SGCZ: variants seen among roughly 807,000 people sequenced by gnomAD.
SGCZ encodes the protein sarcoglycan zeta.
SGCZ carries 40 observed loss-of-function variants against 41.3 expected under a neutral mutation model. The observed-to-expected ratio is 0.97, with a 90% CI of 0.75 to 1.26. The LOEUF is 1.26. SGCZ is among the 50% of genes most tolerant of loss of function. The probability of loss-of-function intolerance (pLI) is 0.00; values close to 1 mark genes in which losing one functional copy is unlikely to be tolerated. For missense variants in SGCZ, 552 were observed against 369.8 expected (o/e 1.49, Z -4.04); for synonymous variants, 206 against 137.5 (o/e 1.50, Z -3.49).
At chr8:14,626,306 C>T (rs1806452231) in intron 1 of SGCZ, among the ~76,000 whole-genome samples, 1 of 152,060 alleles carries the variant, frequency 6.6e-6, no homozygotes, top group East Asian at 1.9e-4. Flanking sequence ...CGCTATCCCT[C>T]CCCCAACCCC....
At chr8:15,170,230 T>C (rs1209065187) in intron 1 of SGCZ, among the ~76,000 whole-genome samples, 1 of 152,220 alleles carries the variant, frequency 6.6e-6, no homozygotes, top group African/African-American at 2.4e-5. Context: ...TAAAGTTTCC[T>C]GGCCACCTTG....
intron 3 of SGCZ, among the ~76,000 whole-genome samples, chr8:14,297,274 C>G (rs918168562): frequency 6.6e-5 from 10 of 150,788 alleles, no homozygotes; most frequent in Admixed American, 2.0e-4. Flanking sequence ...ATATAGAAAG[C>G]TAAAAATTGA....
At chr8:14,171,325 A>G (rs1340314496) in intron 4 of SGCZ, among the ~76,000 whole-genome samples, 2 of 151,962 alleles carry the variant, frequency 1.3e-5, no homozygotes, top group African/African-American at 4.8e-5. Context: ...AACATCTTAA[A>G]AAGAGATCTT....
chr8:14,806,084 T>C (rs1340437393), intron 1 of SGCZ, among the ~76,000 whole-genome samples: 1 of 151,060 alleles, frequency 6.6e-6, no homozygotes, highest in Admixed American at 6.6e-5. Flanking sequence ...CAAAGCAGTG[T>C]GTAGAGGGAA....
intron 1 of SGCZ, among the ~76,000 whole-genome samples, chr8:15,164,396 C>G (rs1336664063): frequency 6.6e-6 from 1 of 152,066 alleles, no homozygotes; most frequent in Non-Finnish European, 1.5e-5. Flanking sequence ...CCCAGCCACT[C>G]CGCACTCCAT....
chr8:14,816,054 A>G (rs931830475), intron 1 of SGCZ, among the ~76,000 whole-genome samples: 1 of 152,234 alleles, frequency 6.6e-6, no homozygotes, highest in Admixed American at 6.5e-5. Context: ...AATATATTCC[A>G]TTTAATGCAG....
At chr8:14,513,170 G>A (rs189583264) in intron 2 of SGCZ, among the ~76,000 whole-genome samples, 17 of 152,062 alleles carry the variant, frequency 1.1e-4, no homozygotes, top group African/African-American at 3.9e-4. Context: ...AGCCTCCCAA[G>A]TAGCTGAGTC....
chr8:14,711,123 C>A (rs1040821679), intron 1 of SGCZ, among the ~76,000 whole-genome samples: 1 of 152,114 alleles, frequency 6.6e-6, no homozygotes, highest in African/African-American at 2.4e-5. Context: ...GTATGCCTGA[C>A]ACAGCACTAG....
chr8:14,744,906 T>C (rs34944844), intron 1 of SGCZ, among the ~76,000 whole-genome samples: 3 of 152,190 alleles, frequency 2.0e-5, no homozygotes, highest in Admixed American at 6.5e-5. Context: ...CTTTTTATCA[T>C]ACTGAATTAA....
intron 1 of SGCZ, among the ~76,000 whole-genome samples, chr8:14,581,683 C>G (rs540377297): frequency 6.6e-6 from 1 of 152,124 alleles, no homozygotes; most frequent in South Asian, 2.1e-4. Context: ...TCTCTAAGAA[C>G]AAAAAGCAAA....
intron 1 of SGCZ, among the ~76,000 whole-genome samples, chr8:15,151,639 T>C (rs1432648816): frequency 1.3e-5 from 2 of 152,222 alleles, no homozygotes; most frequent in African/African-American, 4.8e-5. Flanking sequence ...TTCAAACTAT[T>C]TTCACTTGGA....
chr8:14,455,546 G>A (rs1203913885), intron 2 of SGCZ, among the ~76,000 whole-genome samples: 2 of 151,640 alleles, frequency 1.3e-5, no homozygotes, highest in Non-Finnish European at 2.9e-5. Context: ...AGACAGATTA[G>A]GTAGATAGAT....
At chr8:14,218,318 T>C (rs561108789) in intron 4 of SGCZ, among the ~76,000 whole-genome samples, 3 of 152,288 alleles carry the variant, frequency 2.0e-5, no homozygotes, top group South Asian at 2.1e-4. Flanking sequence ...TGTTAAAAGG[T>C]ATACCAGTTC....
chr8:14,380,245 A>G (rs765617361), intron 2 of SGCZ, among the ~76,000 whole-genome samples: 25 of 152,194 alleles, frequency 1.6e-4, no homozygotes, highest in Non-Finnish European at 2.4e-4. Context: ...TGGTTATTAT[A>G]GTACAGACAC....
At chr8:14,442,731 G>A (rs1268095695) in intron 2 of SGCZ, among the ~76,000 whole-genome samples, 4 of 152,110 alleles carry the variant, frequency 2.6e-5, no homozygotes, top group Non-Finnish European at 4.4e-5. Context: ...AACATCTTCT[G>A]ATTTGTTTCA....
chr8:14,844,399 C>A (rs1054944507), intron 1 of SGCZ, among the ~76,000 whole-genome samples: 1 of 152,168 alleles, frequency 6.6e-6, no homozygotes, highest in Non-Finnish European at 1.5e-5. Flanking sequence ...TTGCCATACC[C>A]CTGTGGAATG....
At chr8:14,609,897 A>G (rs1308062459) in intron 1 of SGCZ, among the ~76,000 whole-genome samples, 7 of 152,200 alleles carry the variant, frequency 4.6e-5, no homozygotes, top group African/African-American at 1.7e-4. Flanking sequence ...AGTGAGTATG[A>G]CAGCTTTGAG....
intron 1 of SGCZ, among the ~76,000 whole-genome samples, chr8:14,715,037 G>C (rs1004466586): frequency 9.2e-5 from 14 of 151,918 alleles, no homozygotes; most frequent in Non-Finnish European, 2.1e-4. Flanking sequence ...GTTGAGAGCA[G>C]GATTTATTTT....
chr8:14,811,580 G>A (rs1233713382), intron 1 of SGCZ, among the ~76,000 whole-genome samples: 1 of 111,370 alleles, frequency 9.0e-6, no homozygotes, highest in South Asian at 3.0e-4. Flanking sequence ...AGTTGTTATG[G>A]GAGAGGGCCA....
Sources: allele counts gnomAD v4.1 joint callset (sites outside exome capture counted in the v4.1 genomes callset), GRCh38; gene constraint gnomAD v4.1.1; transcripts MANE v1.5; gene names NCBI Gene and HGNC (gene_info 2026-07-23, HGNC 2026-07-21).